The following PXYLP1 variants were observed in gnomAD, a reference collection of about 807,000 sequenced individuals.
The protein encoded by PXYLP1 is acid phosphatase-like 2.
Under a neutral mutation model 37.9 loss-of-function variants are expected in PXYLP1, and 17 were observed. That is an observed-to-expected ratio of 0.45 (90% CI 0.31 to 0.67). The LOEUF is 0.67. Ranked by LOEUF, PXYLP1 falls within the 30% of genes least tolerant of loss-of-function variation. The pLI is 0.07. For synonymous variants in PXYLP1, 221 were observed against 232.2 expected (o/e 0.95, Z 0.44); for missense variants, 511 against 612.0 (o/e 0.84, Z 1.74).
chr3:141,261,934 AC>A (rs1941403512), intron 2 of PXYLP1: 1 of 152,132 alleles, frequency 6.6e-6, no homozygotes, highest in Non-Finnish European at 1.5e-5. Context: ...CCGTTTAACC[AC>A]CTCATCCTGA....
At chr3:141,266,656 G>A (rs899930716) in intron 2 of PXYLP1, among the ~76,000 whole-genome samples, 13 of 144,758 alleles carry the variant, frequency 9.0e-5, no homozygotes, top group African/African-American at 2.4e-4. Context: ...AGGGAGAGAG[G>A]GAGAGAGAGA....
At chr3:141,263,843 AC>A (rs1328160244) in intron 2 of PXYLP1, among the ~76,000 whole-genome samples, 1 of 152,148 alleles carries the variant, frequency 6.6e-6, no homozygotes, top group African/African-American at 2.4e-5. Context: ...ATACGGGAAA[AC>A]CCTTGGCTCA....
At chr3:141,270,552 A>T (rs1329331053) in intron 2 of PXYLP1, among the ~76,000 whole-genome samples, 1 of 152,250 alleles carries the variant, frequency 6.6e-6, no homozygotes, top group Non-Finnish European at 1.5e-5. Context: ...AGAGCGCGTC[A>T]TTATTCCTTG....
intron 3 of PXYLP1, 76 bp downstream of exon 3, chr3:141,278,576 G>A (rs1027061718): frequency 3.2e-6 from 5 of 1,557,676 alleles, no homozygotes. Flanking sequence ...CAGCAGTAAG[G>A]AGCAAGATGG....
intron 3 of PXYLP1, among the ~76,000 whole-genome samples, chr3:141,278,873 TCAGGATGTCCA>T (rs1218413857): frequency 6.6e-6 from 1 of 152,252 alleles, no homozygotes; most frequent in Non-Finnish European, 1.5e-5. Flanking sequence ...CTCTTGGGAC[TCAGGATGTCCA>T]CAGGATGTCC....
chr3:141,257,149 G>A (rs1259783993), intron 1 of PXYLP1, among the ~76,000 whole-genome samples: 2 of 152,204 alleles, frequency 1.3e-5, no homozygotes, highest in Non-Finnish European at 2.9e-5. Flanking sequence ...GAATTTCCTG[G>A]TGAAGATTCA....
chr3:141,242,521 G>A (rs1162378901), intron 1 of PXYLP1, among the ~76,000 whole-genome samples: 1 of 152,234 alleles, frequency 6.6e-6, no homozygotes, highest in Non-Finnish European at 1.5e-5. Context: ...GGTTCCAAGG[G>A]TGATTTCCTT....
At chr3:141,272,966 T>G (rs1170297359) in intron 2 of PXYLP1, 1 of 983,866 alleles carries the variant, frequency 1.0e-6, no homozygotes, top group Admixed American at 6.2e-5. Context: ...GGACACCCAG[T>G]ATTAACCATC....
intron 1 of PXYLP1, among the ~76,000 whole-genome samples, chr3:141,257,047 A>C (rs1280063142): frequency 6.6e-6 from 1 of 152,228 alleles, no homozygotes; most frequent in African/African-American, 2.4e-5. Flanking sequence ...TGTTTTCCCA[A>C]AAAGCACTCC....
intron 2 of PXYLP1, chr3:141,274,657 C>CG: frequency 1.4e-6 from 1 of 720,256 alleles, no homozygotes; most frequent in Non-Finnish European, 2.5e-6. Flanking sequence ...TGTCAGTCAG[C>CG]GGGGGATATA....
chr3:141,264,011 C>T (rs1486179453), intron 2 of PXYLP1, among the ~76,000 whole-genome samples: 1 of 151,418 alleles, frequency 6.6e-6, no homozygotes, highest in Non-Finnish European at 1.5e-5. Context: ...ATAGATCACG[C>T]ATGCATTTGT....
intron 2 of PXYLP1, among the ~76,000 whole-genome samples, chr3:141,265,663 C>T (rs552512995): frequency 1.1e-3 from 171 of 152,210 alleles, no homozygotes; most frequent in African/African-American, 4.0e-3. Context: ...ATGATGGTAT[C>T]GGGGGGACTC....
chr3:141,261,881 T>C (rs1439127319), intron 2 of PXYLP1: 11 of 152,354 alleles, frequency 7.2e-5, no homozygotes, highest in Admixed American at 7.2e-4. Context: ...AAAACATCTG[T>C]GTGATGCCAG....
At chr3:141,243,785 A>G (rs545467590) in intron 1 of PXYLP1, among the ~76,000 whole-genome samples, 1 of 152,350 alleles carries the variant, frequency 6.6e-6, no homozygotes, top group East Asian at 1.9e-4. Context: ...TGCTACCTGA[A>G]TTCCACATCA....
intron 4 of PXYLP1, among the ~76,000 whole-genome samples, chr3:141,284,555 C>G (rs1942028132): frequency 1.3e-5 from 2 of 152,296 alleles, no homozygotes; most frequent in African/African-American, 4.8e-5. Flanking sequence ...GGATTGGTTC[C>G]AGGATCCTCC....
intron 1 of PXYLP1, among the ~76,000 whole-genome samples, chr3:141,254,164 C>T (rs1407779161): frequency 1.3e-5 from 2 of 152,154 alleles, no homozygotes; most frequent in South Asian, 4.1e-4. Flanking sequence ...CTGCCCGCCA[C>T]GGCCTCCCAA....
At chr3:141,285,144 C>CTT (rs147495598) in intron 4 of PXYLP1, among the ~76,000 whole-genome samples, 3,363 of 78,624 alleles carry the variant, frequency 0.043, 272 homozygotes, top group African/African-American at 0.13. Flanking sequence ...TTTTCTTTTT[C>CTT]TTTTTTTTTT....
chr3:141,287,165 A>C, intron 4 of PXYLP1, 149 bp from the exon 5 acceptor site: 1 of 828,504 alleles, frequency 1.2e-6, no homozygotes, highest in East Asian at 2.5e-5. Context: ...AGAAATAATG[A>C]AATTGGAACT....
rs78255861 is a variant in PXYLP1, at chr3:141,258,039, G to C, written c.-53-2084G>C. ...AGTCAGGGAGAGGGAAATCCCTTAA[G>C]AGCATGGAAGCAGGAAGTAGTTGAG... On this transcript the variant is annotated intron_variant, in intron 1 of 5. Coordinates refer to ENST00000286353, the MANE Select transcript of PXYLP1 (RefSeq NM_001037172.3). Among the ~76,000 whole-genome samples the C allele has an allele frequency of 5.0e-3, 756 of 152,058 alleles. 9 individuals are homozygous for C. The highest frequency in any genetic ancestry group is 0.018 in the African/African-American group (728 of 41,498).
Sources: allele counts gnomAD v4.1 joint callset (sites outside exome capture counted in the v4.1 genomes callset), GRCh38; gene constraint gnomAD v4.1.1; transcripts MANE v1.5; gene names NCBI Gene and HGNC (gene_info 2026-07-23, HGNC 2026-07-21).